MYLK3: variants seen among roughly 807,000 people sequenced by gnomAD.
MYLK3 encodes myosin light chain kinase 3, also known as MLC kinase.
A neutral mutation model predicts 76.3 loss-of-function variants in MYLK3; 55 were observed. The observed-to-expected ratio is 0.72, with a 90% confidence interval of 0.58 to 0.90. The LOEUF is 0.90. Ranked by LOEUF, MYLK3 falls within the 40% of genes least tolerant of loss-of-function variation. The pLI is 0.00. For missense variants in MYLK3, 973 were observed against 1,053.6 expected (o/e 0.92, Z 1.06); for synonymous variants, 416 against 425.4 (o/e 0.98, Z 0.27).
intron 3 of MYLK3, among the ~76,000 whole-genome samples, chr16:46,733,109 C>G (rs188779284): frequency 6.6e-6 from 1 of 152,208 alleles, no homozygotes; most frequent in Non-Finnish European, 1.5e-5. Flanking sequence ...CACCTGTAAT[C>G]CCAGTGCTTT....
chr16:46,709,576 A>T lies in MYLK3; in HGVS notation c.2363T>A (p.Leu788Gln). ...SRSKTRLKSQLLLQKYIAQRK... is the reference protein window; with the variant it reads ...SRSKTRLKSQQLLQKYIAQRK... ...TTGAGCTATGTATTTCTGCAGCAGTAGTTGGGATTTGAGACGAGTTTTGGA... is the reference window on the plus strand; with the variant it reads ...TTGAGCTATGTATTTCTGCAGCAGTTGTTGGGATTTGAGACGAGTTTTGGA... Residue 788 changes from leucine (L) to glutamine (Q), a missense_variant, in exon 12 of 13, where the codon CTA becomes CAA. Coordinates refer to ENST00000394809, the MANE Select transcript of MYLK3 (RefSeq NM_182493.3). The T allele has an allele frequency of 6.2e-7, 1 of 1,614,180 alleles. No homozygotes were observed. The highest frequency in any genetic ancestry group is 8.5e-7 in the Non-Finnish European group (1 of 1,180,036).
chr16:46,714,086 G>A (rs986962447), intron 9 of MYLK3, among the ~76,000 whole-genome samples: 1 of 152,138 alleles, frequency 6.6e-6, no homozygotes, highest in Non-Finnish European at 1.5e-5. Flanking sequence ...GAGAGTCAAC[G>A]GTTGAGTGGG....
chr16:46,741,836 T>C (rs1966936443), intron 1 of MYLK3, among the ~76,000 whole-genome samples: 1 of 151,262 alleles, frequency 6.6e-6, no homozygotes, highest in African/African-American at 2.4e-5. Context: ...AGTGGTTGGA[T>C]CCCAGCTCAC....
intron 1 of MYLK3, among the ~76,000 whole-genome samples, chr16:46,742,113 T>C (rs1230184098): frequency 1.3e-5 from 2 of 152,100 alleles, no homozygotes; most frequent in Admixed American, 1.3e-4. Context: ...GATGGAAACA[T>C]TTGTGGAGCT....
chr16:46,745,347 C>T (rs963529774), intron 1 of MYLK3, among the ~76,000 whole-genome samples: 5 of 152,174 alleles, frequency 3.3e-5, no homozygotes, highest in African/African-American at 1.2e-4. Flanking sequence ...AGGGAGTACC[C>T]AGATATATTC....
intron 3 of MYLK3, 137 bp downstream of exon 3, chr16:46,737,574 G>A (rs1233230505): frequency 8.8e-6 from 7 of 795,368 alleles, no homozygotes; most frequent in South Asian, 7.8e-5. Context: ...CCAGAGGCAG[G>A]GCCCAGGCCT....
intron 8 of MYLK3, among the ~76,000 whole-genome samples, chr16:46,723,640 C>T (rs112977733): frequency 7.1e-5 from 10 of 140,532 alleles, no homozygotes; most frequent in African/African-American, 2.6e-4. Context: ...TTCCCATATC[C>T]TAGCTGATGC....
chr16:46,712,458 A>G (rs371248033), intron 10 of MYLK3, among the ~76,000 whole-genome samples, 190 bp downstream of exon 10: 86 of 152,188 alleles, frequency 5.7e-4, no homozygotes, highest in African/African-American at 1.9e-3. Context: ...TAAATATGGT[A>G]ACTGGCTTGA....
rs1254981873 is a variant in MYLK3 at position 46,703,246 on chromosome 16, T to G, written c.*4458A>C. The G allele has an allele frequency of 6.6e-6, 1 of 152,224 alleles. No individual in the cohort carries two copies. The highest frequency in any genetic ancestry group is 2.4e-5 in the African/African-American group (1 of 41,452). 9.4% of individuals were successfully genotyped at this position (152,224 alleles called of 1,614,324 possible). On this transcript the variant is annotated 3_prime_UTR_variant, in exon 13 of 13. Transcript: ENST00000394809. The stretch of plus-strand genomic sequence containing the variant: ...ATTCATTTAACTAAAACCAAACTAA[T>G]AGGCATGTGTTGGTTGTTTTTACTG...
chr16:46,734,671 C>T (rs1966860345), intron 3 of MYLK3, among the ~76,000 whole-genome samples: 1 of 152,032 alleles, frequency 6.6e-6, no homozygotes, highest in Non-Finnish European at 1.5e-5. Flanking sequence ...GATATTAGGA[C>T]CCTCAAATAC....
chr16:46,730,255 G>C (rs1350373936), intron 5 of MYLK3, among the ~76,000 whole-genome samples: 1 of 152,002 alleles, frequency 6.6e-6, no homozygotes, highest in Non-Finnish European at 1.5e-5. Context: ...CACCACCTGG[G>C]CTATCCACCC....
chr16:46,723,824 T>C (rs1275318098), intron 8 of MYLK3, among the ~76,000 whole-genome samples: 2 of 152,138 alleles, frequency 1.3e-5, no homozygotes, highest in African/African-American at 2.4e-5. Flanking sequence ...TAATTTTGTA[T>C]TTTTAGTAGA....
chr16:46,716,427 G>T (rs1966738989), intron 9 of MYLK3, among the ~76,000 whole-genome samples: 1 of 150,026 alleles, frequency 6.7e-6, no homozygotes, highest in African/African-American at 2.5e-5. Context: ...TATATATATA[G>T]CCCGCATATA....
chr16:46,710,698 A>T lies in MYLK3; in HGVS notation c.2206T>A (p.Phe736Ile). 1 of 1,614,172 alleles carries T rather than the reference A, an allele frequency of 6.2e-7. No individual in the cohort carries two copies. Among genetic ancestry groups the T allele is most frequent in the East Asian group, 2.2e-5 (1 of 44,876 alleles). The change falls in exon 11 of 13, where the codon TTT becomes ATT. Residue 736 changes from phenylalanine to isoleucine, a missense_variant. By Grantham distance (21) the Phe-to-Ile change is conservative. Coordinates refer to ENST00000394809, the MANE Select transcript of MYLK3 (RefSeq NM_182493.3). ...NCSWDFDADT[F>I]EGLSEEAKDF... ...TTGGCCTCCTCCGAGAGCCCTTCAA[A>T]GGTGTCAGCATCAAAATCCCAGCTA... is the stretch of plus-strand genomic sequence containing the variant.
At chr16:46,714,962 G>T (rs1966722350) in intron 9 of MYLK3, among the ~76,000 whole-genome samples, 2 of 152,136 alleles carry the variant, frequency 1.3e-5, no homozygotes, top group Admixed American at 6.5e-5. Context: ...AATTTCTGTG[G>T]TGTAGATACC....
In MYLK3 at chr16:46,707,705, T is replaced by C. The variant is rs1424938519; in HGVS notation, c.2459A>G (p.Ter820=). 2 of 1,608,970 alleles carry C rather than the reference T, an allele frequency of 1.2e-6. No homozygotes were observed. Among genetic ancestry groups the C allele is most frequent in the Non-Finnish European group, 1.7e-6 (2 of 1,175,418 alleles). ...NRLRKFPTSP[*] ...CCATTGGAGCAGCAGAGTTGAAGATTAGGGAGAAGTTGGAAATTTCCTTAA... is the reference window on the plus strand; with the variant it reads ...CCATTGGAGCAGCAGAGTTGAAGATCAGGGAGAAGTTGGAAATTTCCTTAA... Residue 820 remains the stop codon, a stop_retained_variant, in exon 13 of 13, where the codon TAA becomes TGA. Coordinates refer to ENST00000394809, the MANE Select transcript of MYLK3 (RefSeq NM_182493.3).
chr16:46,713,783 A>G (rs1485841688), intron 9 of MYLK3, among the ~76,000 whole-genome samples: 1 of 152,112 alleles, frequency 6.6e-6, no homozygotes, highest in Non-Finnish European at 1.5e-5. Context: ...TCTGCCTGTA[A>G]GAGTTTGTCT....
chr16:46,724,396 T>C (rs1966829693), intron 8 of MYLK3, among the ~76,000 whole-genome samples: 1 of 152,230 alleles, frequency 6.6e-6, no homozygotes, highest in Non-Finnish European at 1.5e-5. Context: ...GATTTATTAC[T>C]ATGTTTTCTT....
chr16:46,749,762 A>G (rs1967096167), upstream of MYLK3, among the ~76,000 whole-genome samples: 3 of 152,220 alleles, frequency 2.0e-5, no homozygotes, highest in Admixed American at 2.0e-4. Flanking sequence ...CGAAAGCACC[A>G]TTAGAGGTTT....
Sources: allele counts gnomAD v4.1 joint callset (sites outside exome capture counted in the v4.1 genomes callset), GRCh38; gene constraint gnomAD v4.1.1; transcripts MANE v1.5; gene names NCBI Gene and HGNC (gene_info 2026-07-23, HGNC 2026-07-21).